SLC24A2: variants seen among roughly 807,000 people sequenced by gnomAD.
The protein encoded by SLC24A2 is solute carrier family 24 member 2.
SLC24A2 carries 36 observed loss-of-function variants against 62.0 expected under a neutral mutation model. The ratio of observed to expected loss-of-function variants is 0.58; its 90% CI spans 0.44 to 0.77. The LOEUF (loss-of-function observed/expected upper bound fraction) is 0.77. Ranked by LOEUF, SLC24A2 falls within the 30% of genes least tolerant of loss-of-function variation. The probability of loss-of-function intolerance (pLI) is 0.00; values close to 1 mark genes in which losing one functional copy is unlikely to be tolerated. For missense variants in SLC24A2, 846 were observed against 817.9 expected (o/e 1.03, Z -0.42); for synonymous variants, 358 against 294.0 (o/e 1.22, Z -2.23).
intron 2 of SLC24A2, among the ~76,000 whole-genome samples, chr9:19,775,024 G>A (rs1442512237): frequency 6.6e-6 from 1 of 152,274 alleles, no homozygotes; most frequent in East Asian, 1.9e-4. Context: ...AAAGTGCCTG[G>A]CCCAGGGTTA....
At chr9:19,788,017 T>C (rs1823225460) in intron 1 of SLC24A2, among the ~76,000 whole-genome samples, 1 of 152,242 alleles carries the variant, frequency 6.6e-6, no homozygotes, top group Admixed American at 6.5e-5. Context: ...GAGTTCTCTT[T>C]TTAGTTTTTC....
chr9:20,102,972 G>C, the SLC24A2 span, among the ~76,000 whole-genome samples: 1 of 152,178 alleles, frequency 6.6e-6, no homozygotes, highest in African/African-American at 2.4e-5. Context: ...ACGGTACCTG[G>C]AAAACTGGGT....
At chr9:20,127,005 A>C in the SLC24A2 span, among the ~76,000 whole-genome samples, 2 of 152,110 alleles carry the variant, frequency 1.3e-5, no homozygotes, top group Non-Finnish European at 2.9e-5. Flanking sequence ...ATAAATTAAA[A>C]CCAGATCAAA....
chr9:19,918,044 TG>T, the SLC24A2 span, among the ~76,000 whole-genome samples: 5 of 152,244 alleles, frequency 3.3e-5, no homozygotes, highest in South Asian at 6.2e-4. Flanking sequence ...TTTACTAAAT[TG>T]TTTTTTTAAA....
the SLC24A2 span, among the ~76,000 whole-genome samples, chr9:20,175,165 G>C: frequency 6.6e-6 from 1 of 151,870 alleles, no homozygotes; most frequent in African/African-American, 2.4e-5. Context: ...GTTCTCACTC[G>C]TAAGTGGGAG....
intron 2 of SLC24A2, among the ~76,000 whole-genome samples, chr9:19,636,390 CCTCT>C (rs199847385): frequency 9.0e-5 from 6 of 66,976 alleles, no homozygotes; most frequent in South Asian, 1.1e-3. Flanking sequence ...TTTCTTTCTC[CCTCT>C]CTCTCTCTCT....
chr9:19,638,480 G>A (rs1055980720), intron 2 of SLC24A2, among the ~76,000 whole-genome samples: 2 of 152,250 alleles, frequency 1.3e-5, no homozygotes, highest in South Asian at 2.1e-4. Flanking sequence ...CAACCTGGGG[G>A]AGCTAAGGGA....
chr9:19,602,322 G>A (rs1041025655), intron 4 of SLC24A2, among the ~76,000 whole-genome samples: 3 of 152,162 alleles, frequency 2.0e-5, no homozygotes, highest in Non-Finnish European at 2.9e-5. Context: ...AGTAAGTGAT[G>A]AGTTGTCCAG....
chr9:19,841,489 G>A, the SLC24A2 span, among the ~76,000 whole-genome samples: 3 of 152,186 alleles, frequency 2.0e-5, no homozygotes, highest in East Asian at 3.9e-4. Context: ...CCCTCAAAGG[G>A]ATTGGTAGAT....
chr9:20,233,659 A>G, the SLC24A2 span, among the ~76,000 whole-genome samples: 6 of 152,146 alleles, frequency 3.9e-5, no homozygotes, highest in African/African-American at 1.4e-4. Flanking sequence ...CAGTACACTG[A>G]CGGGTCTTGA....
At chr9:19,828,925 A>G in the SLC24A2 span, among the ~76,000 whole-genome samples, 2 of 152,044 alleles carry the variant, frequency 1.3e-5, no homozygotes, top group Non-Finnish European at 2.9e-5. Context: ...GGGCTATTTT[A>G]ACAAGTTCAG....
chr9:19,738,434 T>C (rs1450603111), intron 2 of SLC24A2, among the ~76,000 whole-genome samples: 1 of 152,096 alleles, frequency 6.6e-6, no homozygotes, highest in African/African-American at 2.4e-5. Context: ...TTAATAAATG[T>C]ATTGTGGTCA....
At chr9:19,898,741 CAAAAA>C in the SLC24A2 span, among the ~76,000 whole-genome samples, 2 of 97,278 alleles carry the variant, frequency 2.1e-5, no homozygotes, top group African/African-American at 5.0e-5. Context: ...GACTCCATCT[CAAAAA>C]AAAAAAAAAA....
chr9:19,781,273 A>C (rs575207034), intron 2 of SLC24A2, among the ~76,000 whole-genome samples: 13 of 152,334 alleles, frequency 8.5e-5, no homozygotes, highest in African/African-American at 2.9e-4. Context: ...TCTTTGCTAA[A>C]GTTAAGATAC....
chr9:20,059,586 TA>T, the SLC24A2 span, among the ~76,000 whole-genome samples: 43 of 152,082 alleles, frequency 2.8e-4, no homozygotes, highest in African/African-American at 9.9e-4. Context: ...AATTAGAAAA[TA>T]CTTTGAGATG....
chr9:20,243,811 G>T, the SLC24A2 span, among the ~76,000 whole-genome samples: 2 of 152,172 alleles, frequency 1.3e-5, no homozygotes, highest in Non-Finnish European at 2.9e-5. Flanking sequence ...CTTGCCTCCT[G>T]GGTCCATTTT....
intron 4 of SLC24A2, among the ~76,000 whole-genome samples, chr9:19,600,477 T>C (rs915671587): frequency 2.0e-5 from 3 of 152,342 alleles, no homozygotes; most frequent in Non-Finnish European, 1.5e-5. Flanking sequence ...ATGGAAAATA[T>C]GGTGAAAGTC....
At chr9:19,533,653 A>C (rs575487603) in intron 8 of SLC24A2, among the ~76,000 whole-genome samples, 4 of 152,166 alleles carry the variant, frequency 2.6e-5, no homozygotes, top group African/African-American at 4.8e-5. Flanking sequence ...CCCTGTACCA[A>C]CCAGCTCCCA....
At chr9:19,729,496 A>G (rs1234892422) in intron 2 of SLC24A2, among the ~76,000 whole-genome samples, 1 of 152,242 alleles carries the variant, frequency 6.6e-6, no homozygotes, top group Non-Finnish European at 1.5e-5. Flanking sequence ...GAATGGATAA[A>G]GAAAATGTGT....
Sources: gnomAD v4.1 joint callset for allele counts (sites outside exome capture counted in the v4.1 genomes callset) on GRCh38, gnomAD v4.1.1 for gene constraint, MANE v1.5 for transcripts, NCBI Gene and HGNC (gene_info 2026-07-23, HGNC 2026-07-21) for gene names.